RAB1A: variants seen among roughly 807,000 people sequenced by gnomAD.
RAB1A encodes RAB1A, member RAS oncogene family.
In RAB1A, 2 loss-of-function variants were observed where a neutral mutation model predicts 26.0. The observed-to-expected ratio is 0.08, with a 90% confidence interval of 0.03 to 0.24. RAB1A has a LOEUF of 0.24. RAB1A is among the 10% of genes least tolerant of loss of function. The pLI, the probability that RAB1A is intolerant of heterozygous loss-of-function variation, is 1.00. For synonymous variants in RAB1A, 84 were observed against 84.9 expected (o/e 0.99, Z 0.06); for missense variants, 100 against 247.0 (o/e 0.40, Z 3.99).
intron 2 of RAB1A, among the ~76,000 whole-genome samples, chr2:65,102,201 T>C (rs1231978076): frequency 6.6e-6 from 1 of 152,164 alleles, no homozygotes; most frequent in East Asian, 1.9e-4. Flanking sequence ...GCCATTAGTT[T>C]TCTAACATTT....
At chr2:65,112,018 G>C (rs538029318) in intron 1 of RAB1A, among the ~76,000 whole-genome samples, 27 of 152,150 alleles carry the variant, frequency 1.8e-4, no homozygotes, top group Non-Finnish European at 3.5e-4. Flanking sequence ...GGGAGGTAGA[G>C]GTTGCAGTAA....
intron 1 of RAB1A, among the ~76,000 whole-genome samples, chr2:65,127,041 C>T (rs1023585913): frequency 6.6e-6 from 1 of 152,140 alleles, no homozygotes; most frequent in Non-Finnish European, 1.5e-5. Flanking sequence ...TTCTCAAATT[C>T]CTGTATTATT....
rs1226329509 is a variant in RAB1A at position 65,103,310 on chromosome 2, A to AAAAAAAAAAAAAAAAAAAAAC, written c.96+1423_96+1424insGTTTTTTTTTTTTTTTTTTTT. Among the ~76,000 whole-genome samples, 4 of 151,614 alleles carry AAAAAAAAAAAAAAAAAAAAAC rather than the reference A, an allele frequency of 2.6e-5. No individual in the cohort carries two copies. The East Asian group carries it at 6.0e-4, about 23-fold the overall frequency. ...GCCAGAATCTGTCTCAAAAAAAAAA[A>AAAAAAAAAAAAAAAAAAAAAC]AAAACATTGTTTTATGTGAACTTCC... On this transcript the variant is annotated intron_variant, in intron 2 of 5. Coordinates refer to ENST00000409784, the MANE Select transcript of RAB1A (RefSeq NM_004161.5).
At chr2:65,114,190 T>A (rs562992029) in intron 1 of RAB1A, 4 of 436,612 alleles carry the variant, frequency 9.2e-6, no homozygotes, top group South Asian at 7.1e-5. Context: ...AAATTTAGAT[T>A]CTCAGACAAG....
At chr2:65,094,944 T>A (rs1669248635) in intron 3 of RAB1A, among the ~76,000 whole-genome samples, 2 of 152,062 alleles carry the variant, frequency 1.3e-5, no homozygotes, top group South Asian at 4.1e-4. Flanking sequence ...GGCTTGCCAA[T>A]AAAAGAGGAA....
intron 1 of RAB1A, chr2:65,105,445 C>G: frequency 7.3e-6 from 1 of 137,668 alleles, no homozygotes; most frequent in Non-Finnish European, 1.5e-5. Flanking sequence ...GCAGAGGTTG[C>G]AGTGAGCCGA....
In RAB1A at chr2:65,116,511, C is replaced by T. The variant is rs147626681; in HGVS notation, c.24-11705G>A. On this transcript the variant is annotated intron_variant, in intron 1 of 5. Coordinates refer to ENST00000409784, the MANE Select transcript of RAB1A (RefSeq NM_004161.5). ...TAGCACCCACTACCACCCAATTAGG[C>T]TTCTTGTCAGGATTACAAATCACGT... Among the ~76,000 whole-genome samples, 274 of 152,306 alleles carry T rather than the reference C, an allele frequency of 1.8e-3. 1 individual carries two copies. The highest frequency in any genetic ancestry group is 0.01 in the Middle Eastern group (3 of 294).
chr2:65,101,742 CT>C (rs71401771), intron 2 of RAB1A, among the ~76,000 whole-genome samples: 2,076 of 70,696 alleles, frequency 0.029, 13 homozygotes, highest in East Asian at 0.13. Context: ...GTATTACTTC[CT>C]TTTTTTTTTT....
intron 1 of RAB1A, 119 bp downstream of exon 1, chr2:65,129,774 C>T (rs1670195000): frequency 1.4e-6 from 2 of 1,477,934 alleles, no homozygotes; most frequent in South Asian, 1.2e-5. Flanking sequence ...CTCTCCTGAC[C>T]CATCACCCTC....
At chr2:65,109,759 A>G (rs187037547) in intron 1 of RAB1A, among the ~76,000 whole-genome samples, 56 of 152,154 alleles carry the variant, frequency 3.7e-4, no homozygotes, top group African/African-American at 1.2e-3. Context: ...AAGATTTACA[A>G]TTGTCACCCT....
intron 2 of RAB1A, among the ~76,000 whole-genome samples, chr2:65,101,969 G>C (rs1305877353): frequency 6.6e-6 from 1 of 151,702 alleles, no homozygotes; most frequent in East Asian, 1.9e-4. Context: ...GGCTGGTCTC[G>C]AACTCCTGAC....
At chr2:65,114,034 C>T (rs1669764900) in intron 1 of RAB1A, 1 of 314,658 alleles carries the variant, frequency 3.2e-6, no homozygotes, top group Admixed American at 3.6e-5. Context: ...CACAGCACAC[C>T]TATCATAACA....
At chr2:65,096,333 C>T (rs1456384485) in intron 3 of RAB1A, among the ~76,000 whole-genome samples, 1 of 152,016 alleles carries the variant, frequency 6.6e-6, no homozygotes, top group Non-Finnish European at 1.5e-5. Flanking sequence ...AAAAAACAAA[C>T]AAACAAAATG....
At chr2:65,103,129 A>G (rs890878602) in intron 2 of RAB1A, among the ~76,000 whole-genome samples, 1 of 151,836 alleles carries the variant, frequency 6.6e-6, no homozygotes, top group African/African-American at 2.4e-5. Flanking sequence ...CAGCCTGTGC[A>G]ACACAGTGAG....
At chr2:65,120,445 C>A (rs929825409) in intron 1 of RAB1A, among the ~76,000 whole-genome samples, 1 of 118,664 alleles carries the variant, frequency 8.4e-6, no homozygotes, top group African/African-American at 3.5e-5. Context: ...GACAAAGCGA[C>A]ACCTTGTCTC....
chr2:65,101,093 C>A (rs74879420), intron 2 of RAB1A, among the ~76,000 whole-genome samples: 7,049 of 151,338 alleles, frequency 0.047, 167 homozygotes, highest in Middle Eastern at 0.075. Flanking sequence ...TTATAGTGAG[C>A]TGAGATCATG....
At chr2:65,100,867 C>T (rs534612022) in intron 2 of RAB1A, among the ~76,000 whole-genome samples, 1 of 151,762 alleles carries the variant, frequency 6.6e-6, no homozygotes, top group Non-Finnish European at 1.5e-5. Context: ...AATTCTTGGC[C>T]GGGTACAGTG....
chr2:65,088,845 T>A (rs765199459), intron 5 of RAB1A, 94 bp downstream of exon 5: 11 of 1,391,272 alleles, frequency 7.9e-6, no homozygotes, highest in Admixed American at 4.8e-5. Flanking sequence ...CTAGTGCACA[T>A]ATTTTTAAAA....
At chr2:65,100,597 T>C (rs1669400281) in intron 2 of RAB1A, among the ~76,000 whole-genome samples, 1 of 150,748 alleles carries the variant, frequency 6.6e-6, no homozygotes, top group Non-Finnish European at 1.5e-5. Context: ...CTGTCTCTAC[T>C]AAAAATACAA....
Sources: gnomAD v4.1 joint callset for allele counts (sites outside exome capture counted in the v4.1 genomes callset) on GRCh38, gnomAD v4.1.1 for gene constraint, MANE v1.5 for transcripts, NCBI Gene and HGNC (gene_info 2026-07-23, HGNC 2026-07-21) for gene names.